Variants in ADAM29 observed in about 807,000 individuals in gnomAD.
The protein encoded by ADAM29 is disintegrin and metalloproteinase domain-containing protein 29.
For missense variants in ADAM29, 969 were observed against 1,001.8 expected (o/e 0.97, Z 0.44); for synonymous variants, 367 against 342.3 (o/e 1.07, Z -0.80).
intron 1 of ADAM29, among the ~76,000 whole-genome samples, chr4:174,918,674 T>C (rs1335800456): frequency 1.3e-5 from 2 of 151,800 alleles, no homozygotes. Flanking sequence ...AGCACTAAAA[T>C]CAATAGATGA....
intron 4 of ADAM29, among the ~76,000 whole-genome samples, chr4:174,955,399 A>G (rs1176934160): frequency 6.6e-6 from 1 of 152,106 alleles, no homozygotes; most frequent in Non-Finnish European, 1.5e-5. Flanking sequence ...ATATTTGAAT[A>G]TAAGAGGGTA....
chr4:174,953,530 T>C (rs1426806148), intron 4 of ADAM29, among the ~76,000 whole-genome samples: 1 of 152,142 alleles, frequency 6.6e-6, no homozygotes, highest in Non-Finnish European at 1.5e-5. Flanking sequence ...TCACATAATA[T>C]GAAGACACAA....
chr4:174,966,738 A>T (rs951856468), intron 4 of ADAM29, among the ~76,000 whole-genome samples: 1 of 152,158 alleles, frequency 6.6e-6, no homozygotes, highest in East Asian at 1.9e-4. Context: ...TGGGTTAGTC[A>T]AGATCATGTC....
At chr4:174,935,763 G>T (rs1169025911) in intron 3 of ADAM29, among the ~76,000 whole-genome samples, 2 of 151,924 alleles carry the variant, frequency 1.3e-5, no homozygotes, top group African/African-American at 4.8e-5. Flanking sequence ...TATTGAAAAG[G>T]CTGTGTGTCT....
At chr4:174,951,749 A>G (rs34348502) in intron 4 of ADAM29, among the ~76,000 whole-genome samples, 38,732 of 152,066 alleles carry the variant, frequency 0.25, 6,122 homozygotes, top group East Asian at 0.4. Flanking sequence ...CTGCGCTCTC[A>G]ACCATCAGCA....
At chr4:174,956,475 GGT>G (rs749723638) in intron 4 of ADAM29, among the ~76,000 whole-genome samples, 9 of 140,892 alleles carry the variant, frequency 6.4e-5, no homozygotes, top group Middle Eastern at 7.2e-3. Flanking sequence ...TTTAAAAAAA[GGT>G]GTGTGTGTGT....
chr4:174,958,391 T>A (rs947433121), intron 4 of ADAM29, among the ~76,000 whole-genome samples: 5 of 151,828 alleles, frequency 3.3e-5, no homozygotes. Flanking sequence ...ACCTTTTTTA[T>A]CATTATGTAG....
intron 4 of ADAM29, among the ~76,000 whole-genome samples, chr4:174,952,822 G>T (rs1413104235): frequency 6.6e-6 from 1 of 152,040 alleles, no homozygotes; most frequent in African/African-American, 2.4e-5. Context: ...TAGTACCCGG[G>T]GGCAAAATAT....
chr4:174,948,906 G>T (rs553004219), intron 4 of ADAM29, among the ~76,000 whole-genome samples: 1 of 152,262 alleles, frequency 6.6e-6, no homozygotes, highest in East Asian at 1.9e-4. Context: ...CACAAGGAAG[G>T]GGTGGCTGGG....
At chr4:174,939,183 C>G (rs565552097) in intron 4 of ADAM29, among the ~76,000 whole-genome samples, 3 of 152,202 alleles carry the variant, frequency 2.0e-5, no homozygotes, top group Admixed American at 2.0e-4. Flanking sequence ...TGGGACATAT[C>G]TTTTTGGGAG....
At chr4:174,936,826 A>G (rs1471530802) in intron 3 of ADAM29, 107 bp from the exon 4 acceptor site, 1 of 151,940 alleles carries the variant, frequency 6.6e-6, no homozygotes, top group Non-Finnish European at 1.5e-5. Context: ...AATGATTTGG[A>G]GAGTGATCTC....
intron 4 of ADAM29, among the ~76,000 whole-genome samples, chr4:174,955,459 A>G (rs1745446306): frequency 6.6e-6 from 1 of 152,126 alleles, no homozygotes; most frequent in African/African-American, 2.4e-5. Context: ...TGAGAGATCA[A>G]TATTGTAGCT....
intron 2 of ADAM29, among the ~76,000 whole-genome samples, chr4:174,926,807 T>G (rs1743547871): frequency 1.3e-5 from 2 of 151,650 alleles, no homozygotes; most frequent in Non-Finnish European, 2.9e-5. Flanking sequence ...AATCCTCATT[T>G]GCAGTTTTAC....
At chr4:174,942,463 AC>A (rs1453431433) in intron 4 of ADAM29, among the ~76,000 whole-genome samples, 1 of 152,098 alleles carries the variant, frequency 6.6e-6, no homozygotes, top group East Asian at 1.9e-4. Flanking sequence ...TCTTCTGCAC[AC>A]CCACAGGCCC....
At chr4:174,968,890 C>T (rs1360270251) in intron 4 of ADAM29, among the ~76,000 whole-genome samples, 2 of 151,834 alleles carry the variant, frequency 1.3e-5, no homozygotes, top group African/African-American at 4.8e-5. Flanking sequence ...AGATTGTCTT[C>T]AAGTATTAGT....
At chr4:174,926,722 A>C (rs1428004621) in intron 2 of ADAM29, among the ~76,000 whole-genome samples, 1 of 82,654 alleles carries the variant, frequency 1.2e-5, no homozygotes, top group Non-Finnish European at 2.1e-5. Context: ...GACCATGTCC[A>C]AAAAAAAAAA....
At chr4:174,947,572 T>C (rs1744926652) in intron 4 of ADAM29, among the ~76,000 whole-genome samples, 1 of 152,192 alleles carries the variant, frequency 6.6e-6, no homozygotes, top group Non-Finnish European at 1.5e-5. Context: ...CTTCTTACTA[T>C]TGATTTCTAT....
chr4:174,954,494 A>G (rs1745377989), intron 4 of ADAM29, among the ~76,000 whole-genome samples: 1 of 152,178 alleles, frequency 6.6e-6, no homozygotes, highest in Admixed American at 6.5e-5. Context: ...GCAAATGACC[A>G]CCGAATCTGT....
At chr4:174,939,893 A>C (rs140688070) in intron 4 of ADAM29, among the ~76,000 whole-genome samples, 1,855 of 152,126 alleles carry the variant, frequency 0.012, 41 homozygotes, top group African/African-American at 0.042. Context: ...TCAGTGTTGC[A>C]AATTTTATGA....
Sources: allele counts gnomAD v4.1 joint callset (sites outside exome capture counted in the v4.1 genomes callset), GRCh38; gene constraint gnomAD v4.1.1; transcripts MANE v1.5; gene names NCBI Gene and HGNC (gene_info 2026-07-23, HGNC 2026-07-21).